Variants in DIAPH2 observed in about 807,000 individuals in gnomAD.
DIAPH2 encodes protein diaphanous homolog 2.
A neutral mutation model predicts 92.7 loss-of-function variants in DIAPH2; 35 were observed. The observed-to-expected ratio is 0.38, with a 90% CI of 0.29 to 0.50. The LOEUF (loss-of-function observed/expected upper bound fraction) is 0.50, where lower values mean the gene tolerates loss of function less well. DIAPH2 is among the 20% of genes least tolerant of loss of function. The pLI is 0.94. For synonymous variants in DIAPH2, 301 were observed against 280.4 expected (o/e 1.07, Z -0.73); for missense variants, 701 against 819.5 (o/e 0.86, Z 1.77).
intron 1 of DIAPH2, among the ~76,000 whole-genome samples, chrX:96,700,340 C>G (rs2147523937): frequency 8.9e-6 from 1 of 112,534 alleles, no homozygotes; most frequent in South Asian, 3.7e-4. Context: ...TCTCTGACAA[C>G]TTCTGCCTCT....
chrX:97,121,713 A>G (rs917333343), intron 21 of DIAPH2, among the ~76,000 whole-genome samples: 5 of 112,064 alleles, frequency 4.5e-5, no homozygotes, highest in Non-Finnish European at 9.4e-5. Flanking sequence ...GTAAATCTAA[A>G]TCAGCAACTC....
At chrX:97,319,821 C>T (rs1353509695) in intron 23 of DIAPH2, among the ~76,000 whole-genome samples, 1 of 108,867 alleles carries the variant, frequency 9.2e-6, no homozygotes, top group African/African-American at 3.3e-5. Context: ...AAATATTGGC[C>T]GGTTGCAGTG....
intron 4 of DIAPH2, among the ~76,000 whole-genome samples, chrX:96,872,572 A>G (rs747174469): frequency 2.5e-4 from 25 of 101,830 alleles, no homozygotes; most frequent in Admixed American, 6.4e-4. Flanking sequence ...GCTCACTGCA[A>G]CCTCCACCTC....
chrX:96,943,061 C>T (rs182032600), intron 13 of DIAPH2, among the ~76,000 whole-genome samples: 25 of 109,409 alleles, frequency 2.3e-4, no homozygotes, highest in African/African-American at 8.3e-4. Context: ...CAATCACATT[C>T]GTGATCGCTC....
chrX:97,396,352 G>C (rs1458447236), intron 25 of DIAPH2, among the ~76,000 whole-genome samples: 1 of 110,876 alleles, frequency 9.0e-6, no homozygotes, highest in East Asian at 2.8e-4. Context: ...GAGCCCCTGG[G>C]CTGCTTTAGA....
At chrX:97,482,202 A>G (rs966494977) in intron 26 of DIAPH2, among the ~76,000 whole-genome samples, 7 of 112,227 alleles carry the variant, frequency 6.2e-5, no homozygotes, top group Non-Finnish European at 9.4e-5. Flanking sequence ...CTCTCTCTTT[A>G]TGGCATTCTC....
At chrX:96,830,510 G>T (rs1483532703) in intron 4 of DIAPH2, among the ~76,000 whole-genome samples, 1 of 95,108 alleles carries the variant, frequency 1.1e-5, no homozygotes, top group African/African-American at 3.8e-5. Flanking sequence ...GGCGGAGCTT[G>T]CAGTGAGCCG....
chrX:97,380,042 A>G (rs2069538132), intron 24 of DIAPH2, among the ~76,000 whole-genome samples: 1 of 110,554 alleles, frequency 9.0e-6, no homozygotes, highest in Non-Finnish European at 1.9e-5. Context: ...AGCAAGGGAA[A>G]TAAGATTTGT....
chrX:97,310,067 G>T (rs2025322690), intron 23 of DIAPH2, among the ~76,000 whole-genome samples: 1 of 111,975 alleles, frequency 8.9e-6, no homozygotes, highest in Admixed American at 9.5e-5. Flanking sequence ...ACTTTACCTG[G>T]CCCCCTCCTG....
At chrX:97,335,013 AAAAG>A (rs2069044939) in intron 23 of DIAPH2, among the ~76,000 whole-genome samples, 1 of 105,970 alleles carries the variant, frequency 9.4e-6, no homozygotes, top group African/African-American at 3.4e-5. Context: ...AAAAAAAAAA[AAAAG>A]AGGAAGCAAA....
chrX:96,799,675 G>A (rs746759786), intron 4 of DIAPH2, among the ~76,000 whole-genome samples: 1 of 110,248 alleles, frequency 9.1e-6, no homozygotes, highest in Admixed American at 9.7e-5. Context: ...GGGCATCGTG[G>A]CGCGTGCCTG....
intron 4 of DIAPH2, among the ~76,000 whole-genome samples, chrX:96,761,777 A>G (rs778140313): frequency 1.4e-4 from 16 of 110,917 alleles, no homozygotes; most frequent in African/African-American, 4.6e-4. Context: ...TAAACAAGGG[A>G]CAAATACGAC....
intron 26 of DIAPH2, among the ~76,000 whole-genome samples, chrX:97,469,311 T>C (rs2070541478): frequency 8.9e-6 from 1 of 112,152 alleles, no homozygotes; most frequent in South Asian, 3.7e-4. Flanking sequence ...TGAATATGTA[T>C]TCATTGCTGA....
At chrX:96,953,271 T>A (rs1330285874) in intron 15 of DIAPH2, among the ~76,000 whole-genome samples, 1 of 111,667 alleles carries the variant, frequency 9.0e-6, no homozygotes, top group African/African-American at 3.3e-5. Context: ...GAGTTTCCCC[T>A]CAATAATACA....
chrX:96,936,259 A>G (rs2065656921), intron 10 of DIAPH2, among the ~76,000 whole-genome samples: 1 of 111,915 alleles, frequency 8.9e-6, no homozygotes, highest in Non-Finnish European at 1.9e-5. Context: ...TGGCTTCAGT[A>G]ATAGCCATTA....
chrX:96,993,027 A>G (rs1372101106), intron 17 of DIAPH2, among the ~76,000 whole-genome samples: 1 of 112,620 alleles, frequency 8.9e-6, no homozygotes, highest in Non-Finnish European at 1.9e-5. Flanking sequence ...TCTTGAATCA[A>G]AAATTTCAAC....
rs771286395 is a variant in DIAPH2 at position 97,143,149 on chromosome X, T to C, written c.2719+1355T>C. ...AAAATTACACAAATTACAACTATAA[T>C]GGCAACTTTCTGGTAATAGCTCTTC... On this transcript the variant is annotated intron_variant, in intron 22 of 26. Coordinates refer to ENST00000324765, the MANE Select transcript of DIAPH2 (RefSeq NM_006729.5). Among the ~76,000 whole-genome samples, 13 of 111,738 alleles carry C rather than the reference T, an allele frequency of 1.2e-4. No homozygotes were observed. In the East Asian group the frequency reaches 3.1e-3, roughly 26 times the overall value.
At chrX:96,914,256 C>A (rs1000732162) in intron 7 of DIAPH2, among the ~76,000 whole-genome samples, 2 of 110,718 alleles carry the variant, frequency 1.8e-5, no homozygotes, top group Admixed American at 9.6e-5. Flanking sequence ...GAAATATTCC[C>A]ATCACTACTA....
chrX:97,245,092 A>G (rs1305309618), intron 22 of DIAPH2, among the ~76,000 whole-genome samples: 1 of 104,221 alleles, frequency 9.6e-6, no homozygotes, highest in East Asian at 3.2e-4. Context: ...TCCGTCTAAA[A>G]AAAAAAAAAA....
Sources: allele counts gnomAD v4.1 joint callset (sites outside exome capture counted in the v4.1 genomes callset), GRCh38; gene constraint gnomAD v4.1.1; transcripts MANE v1.5; gene names NCBI Gene and HGNC (gene_info 2026-07-23, HGNC 2026-07-21).